GPATCH8: variants seen among roughly 807,000 people sequenced by gnomAD.
GPATCH8 encodes the protein G-patch domain containing 8.
GPATCH8 carries 18 observed loss-of-function variants against 118.3 expected under a neutral mutation model. That is an observed-to-expected ratio of 0.15 (90% CI 0.11 to 0.23). The LOEUF (loss-of-function observed/expected upper bound fraction) is 0.23, where lower values mean the gene tolerates loss of function less well. Ranked by LOEUF, GPATCH8 falls within the 10% of genes least tolerant of loss-of-function variation. The probability of loss-of-function intolerance (pLI) is 1.00; values close to 1 mark genes in which losing one functional copy is unlikely to be tolerated. For missense variants in GPATCH8, 1,631 were observed against 1,873.8 expected (o/e 0.87, Z 2.39); for synonymous variants, 659 against 684.7 (o/e 0.96, Z 0.59).
intron 6 of GPATCH8, among the ~76,000 whole-genome samples, chr17:44,417,671 G>A (rs1368254386): frequency 1.3e-5 from 2 of 152,134 alleles, no homozygotes; most frequent in Non-Finnish European, 2.9e-5. Flanking sequence ...CAGAAGCCAC[G>A]GGAACCTGTG....
chr17:44,439,615 T>TA (rs1379926042), intron 3 of GPATCH8, among the ~76,000 whole-genome samples: 2 of 152,016 alleles, frequency 1.3e-5, no homozygotes, highest in South Asian at 2.1e-4. Flanking sequence ...GCTGCAGCAT[T>TA]AAAAAACAAA....
intron 3 of GPATCH8, chr17:44,438,828 A>C (rs1378856003): frequency 6.6e-6 from 1 of 152,448 alleles, no homozygotes; most frequent in East Asian, 1.9e-4. Flanking sequence ...TCCCTCCCCC[A>C]ATCTCAGCCG....
chr17:44,485,315 A>G (rs1968695841), intron 1 of GPATCH8, among the ~76,000 whole-genome samples: 2 of 152,016 alleles, frequency 1.3e-5, no homozygotes, highest in African/African-American at 4.8e-5. Flanking sequence ...GAGTCTTGCC[A>G]TGTTCCCAGC....
At chr17:44,469,748 C>T (rs1285193232) in intron 2 of GPATCH8, among the ~76,000 whole-genome samples, 1 of 152,144 alleles carries the variant, frequency 6.6e-6, no homozygotes, top group Non-Finnish European at 1.5e-5. Flanking sequence ...AACTCTATAG[C>T]TCACTACAGA....
chr17:44,426,197 T>A (rs1044251611), intron 5 of GPATCH8, among the ~76,000 whole-genome samples: 3 of 152,230 alleles, frequency 2.0e-5, no homozygotes, highest in African/African-American at 7.2e-5. Context: ...ATTTCTGAGA[T>A]CTGGGAAGAA....
In GPATCH8 at chr17:44,497,534, G is replaced by A. The variant is rs142979949; in HGVS notation, c.45+5792C>T. Among the ~76,000 whole-genome samples, 636 of 152,250 alleles carry A rather than the reference G, an allele frequency of 4.2e-3. 9 individuals are homozygous for A. Among genetic ancestry groups the A allele is most frequent in the African/African-American group, 0.014 (584 of 41,538 alleles). On this transcript the variant is annotated intron_variant, in intron 1 of 7. Transcript: ENST00000591680. ...AGCTGGGAGGTCAAGGCTGCCAGGA[G>A]CCATGATCGCGTCACTGCACTCCAG... is the stretch of plus-strand genomic sequence containing the variant.
chr17:44,487,748 C>G (rs1372165307), intron 1 of GPATCH8, among the ~76,000 whole-genome samples: 2 of 152,044 alleles, frequency 1.3e-5, no homozygotes, highest in African/African-American at 4.8e-5. Context: ...TTTACTTTTA[C>G]TTGGTGTTCC....
At chr17:44,445,649 G>C (rs556290339) in intron 3 of GPATCH8, 5 of 152,310 alleles carry the variant, frequency 3.3e-5, no homozygotes, top group Admixed American at 3.3e-4. Context: ...TGGGATTACA[G>C]GTGCCCGCCA....
At chr17:44,414,450 G>C (rs934709949) in intron 6 of GPATCH8, among the ~76,000 whole-genome samples, 1 of 151,974 alleles carries the variant, frequency 6.6e-6, no homozygotes, top group Non-Finnish European at 1.5e-5. Context: ...AGGGACTACA[G>C]ATGCACTCCA....
intron 6 of GPATCH8, among the ~76,000 whole-genome samples, chr17:44,422,339 C>G (rs2049937477): frequency 1.3e-5 from 2 of 151,916 alleles, no homozygotes; most frequent in South Asian, 2.1e-4. Flanking sequence ...GCCACCACAC[C>G]CAGCTAATTA....
intron 5 of GPATCH8, among the ~76,000 whole-genome samples, chr17:44,430,272 C>T (rs1251888062): frequency 2.0e-5 from 3 of 151,960 alleles, no homozygotes; most frequent in Non-Finnish European, 4.4e-5. Context: ...TGCAAAAATG[C>T]TCAACAAAAT....
intron 1 of GPATCH8, among the ~76,000 whole-genome samples, chr17:44,500,081 A>G (rs1349000884): frequency 6.6e-6 from 1 of 152,202 alleles, no homozygotes; most frequent in Non-Finnish European, 1.5e-5. Flanking sequence ...GAACTGTATC[A>G]CCTTTCTAAA....
intron 1 of GPATCH8, among the ~76,000 whole-genome samples, chr17:44,480,288 A>T (rs1297786098): frequency 2.0e-5 from 3 of 150,994 alleles, no homozygotes; most frequent in East Asian, 1.9e-4. Context: ...AATGGCATTT[A>T]AAAAAAAATG....
intron 7 of GPATCH8, among the ~76,000 whole-genome samples, chr17:44,402,485 A>G (rs922954936): frequency 4.6e-5 from 7 of 152,068 alleles, no homozygotes; most frequent in Non-Finnish European, 1.0e-4. Flanking sequence ...ATTTCATTCA[A>G]TTAAAGAAAA....
chr17:44,442,124 G>C (rs57676408), intron 3 of GPATCH8, among the ~76,000 whole-genome samples: 2 of 134,926 alleles, frequency 1.5e-5, no homozygotes, highest in African/African-American at 3.0e-5. Flanking sequence ...TATATATATA[G>C]AGAGAGAGAG....
chr17:44,470,357 C>T (rs868306910), intron 2 of GPATCH8, among the ~76,000 whole-genome samples: 56 of 151,528 alleles, frequency 3.7e-4, no homozygotes, highest in African/African-American at 1.3e-3. Flanking sequence ...GCCACCACAC[C>T]CGGCTAAGTT....
In GPATCH8 at chr17:44,442,120, T is replaced by TAG. The variant is rs537460604; in HGVS notation, c.194-5576_194-5575insCT. On this transcript the variant is annotated intron_variant, in intron 3 of 7. Transcript: ENST00000591680. The stretch of plus-strand genomic sequence containing the variant: ...ACGTATATATATACATATATATATA[T>TAG]ATAGAGAGAGAGAGAGAGAGAGAAG... Among the ~76,000 whole-genome samples, 1,061 of 126,286 alleles carry TAG rather than the reference T, an allele frequency of 8.4e-3. 12 individuals are homozygous for TAG. The highest frequency in any genetic ancestry group is 0.031 in the Middle Eastern group (7 of 226). The allele number at this position is 126,286 out of a possible 152,430, so 82.8% of individuals were successfully genotyped here. A position where few individuals can be genotyped will look rare whatever the true frequency, so the allele number is the denominator to read the frequency against.
intron 2 of GPATCH8, chr17:44,464,897 C>CAA (rs2051699939): frequency 3.9e-6 from 1 of 253,870 alleles, no homozygotes; most frequent in Non-Finnish European, 7.7e-6. Flanking sequence ...GGTACTTATA[C>CAA]AGTCATATCC....
chr17:44,431,409 A>C (rs1319158924), intron 5 of GPATCH8, among the ~76,000 whole-genome samples: 2 of 151,212 alleles, frequency 1.3e-5, no homozygotes, highest in South Asian at 2.1e-4. Flanking sequence ...AAGGCGAAAA[A>C]CACAAAAATC....
Sources: allele counts gnomAD v4.1 joint callset (sites outside exome capture counted in the v4.1 genomes callset), GRCh38; gene constraint gnomAD v4.1.1; transcripts MANE v1.5; gene names NCBI Gene and HGNC (gene_info 2026-07-23, HGNC 2026-07-21).